PCDHGA7: variants seen among roughly 807,000 people sequenced by gnomAD.
PCDHGA7 encodes protocadherin gamma-A7.
PCDHGA7 carries 44 observed loss-of-function variants against 58.3 expected under a neutral mutation model. The observed-to-expected ratio is 0.75, with a 90% CI of 0.59 to 0.97. The LOEUF is 0.97. Ranked by LOEUF, PCDHGA7 falls within the 50% of genes least tolerant of loss-of-function variation. The probability of loss-of-function intolerance (pLI) is 0.00; values close to 1 mark genes in which losing one functional copy is unlikely to be tolerated. For synonymous variants in PCDHGA7, 516 were observed against 504.2 expected, an observed-to-expected ratio of 1.02 and a Z score of -0.31; for missense variants, 1,266 against 1,188.7, an observed-to-expected ratio of 1.06 and a Z score of -0.96.
Position 141,384,103 on chromosome 5 carries a change from T to A in PCDHGA7, c.1204T>A (p.Tyr402Asn), listed in dbSNP as rs1305926581. Residue 402 changes from tyrosine (Y) to asparagine (N), a missense_variant, in exon 1 of 4, where the codon TAT becomes AAT. By Grantham distance (143) the Tyr-to-Asn change is moderately radical. Coordinates refer to ENST00000518325, the MANE Select transcript of PCDHGA7 (RefSeq NM_018920.4). The part of the protein sequence containing the change: ...FKLEKSIDNY[Y>N]RLVTTKNLDR... ...ATTAGAAAAATCAATAGATAATTAT[T>A]ATAGATTGGTCACAACCAAAAACTT... The A allele has an allele frequency of 6.2e-7, 1 of 1,600,344 alleles. No homozygotes were observed. The highest frequency in any genetic ancestry group is 8.5e-7 in the Non-Finnish European group (1 of 1,172,846).
rs1779370134 is a variant in PCDHGA7 at position 141,383,692 on chromosome 5, C to T, written c.793C>T (p.His265Tyr). 2.5e-6 allele frequency: 4 copies of T among 1,613,888 alleles called. No homozygotes were observed. The highest frequency in any genetic ancestry group is 2.5e-6 in the Non-Finnish European group (3 of 1,179,888). ...AGTGGGTACAAGACTGCTCACGGTA[C>T]ATGCTATCGACCTGGACGAGGGAGT... ...VPVGTRLLTV[H>Y]AIDLDEGVNG... is the part of the protein sequence containing the mutation. The change falls in exon 1 of 4, where the codon CAT becomes TAT. Residue 265 changes from histidine to tyrosine, a missense_variant. Coordinates refer to ENST00000518325, the MANE Select transcript of PCDHGA7 (RefSeq NM_018920.4).
In PCDHGA7 at chr5:141,423,069, G is replaced by A. The variant is rs1364397726; in HGVS notation, c.2424+37746G>A. ...CCTATCGCCTGCTTAAGGCCAGCGA[G>A]CCGGGACTCTTCGCGGTGGGGGAGC... On this transcript the variant is annotated intron_variant, in intron 1 of 3. Transcript: ENST00000518325. 8 of 1,614,034 alleles carry A rather than the reference G, an allele frequency of 5.0e-6. No homozygotes were observed. In the African/African-American group the frequency reaches 1.1e-4, roughly 22 times the overall value.
At chr5:141,415,739 G>GTT (rs1561759437) in intron 1 of PCDHGA7, 11 of 435,132 alleles carry the variant, frequency 2.5e-5, no homozygotes, top group African/African-American at 1.6e-4. Flanking sequence ...TGTTTATTAA[G>GTT]GTTTTTTTTT....
intron 2 of PCDHGA7, among the ~76,000 whole-genome samples, chr5:141,502,845 T>G (rs2099816267): frequency 6.8e-6 from 1 of 147,606 alleles, no homozygotes; most frequent in South Asian, 2.1e-4. Context: ...CTGGCTGAGC[T>G]GCCTAACCCT....
At chr5:141,399,092 G>T (rs573118488) in intron 1 of PCDHGA7, 2 of 1,613,810 alleles carry the variant, frequency 1.2e-6, no homozygotes, top group Non-Finnish European at 1.7e-6. Context: ...GATGGTGGTG[G>T]ACTGGTTGCA....
rs201825683 is a variant in PCDHGA7 at position 141,404,916 on chromosome 5, C to T, written c.2424+19593C>T. The T allele has an allele frequency of 1.5e-4, 243 of 1,613,780 alleles. No homozygotes were observed. The highest frequency in any genetic ancestry group is 1.1e-4 in the Non-Finnish European group (126 of 1,179,862). ...CAGGACCATGGCCAGCCCCCTCTCTCGGCCACTGTCACGCTCACAGTAGCC... is the reference window on the plus strand; with the variant it reads ...CAGGACCATGGCCAGCCCCCTCTCTTGGCCACTGTCACGCTCACAGTAGCC... On this transcript the variant is annotated intron_variant, in intron 1 of 3. Transcript: ENST00000518325.
intron 1 of PCDHGA7, among the ~76,000 whole-genome samples, chr5:141,386,303 T>G (rs938709302): frequency 6.6e-6 from 1 of 152,202 alleles, no homozygotes; most frequent in Non-Finnish European, 1.5e-5. Context: ...TTAGTAAAGC[T>G]CAGTATATCA....
Position 141,505,474 on chromosome 5 carries a change from C to T in PCDHGA7, c.2565C>T (p.Ser855=), listed in dbSNP as rs751690779. The stretch of plus-strand genomic sequence containing the variant: ...TGCTGCAAGCCATGATCTTGGCGTC[C>T]GCCAGTGGTAAGTGGTGTCAGTGTG... ...TEMLQAMILA[S]ASEAADGSST... Residue 855 remains serine, a synonymous_variant, in exon 3 of 4, where the codon TCC becomes TCT. Transcript: ENST00000518325. 2.2e-5 allele frequency: 36 copies of T among 1,614,090 alleles called. No individual in the cohort carries two copies. The highest frequency in any genetic ancestry group is 5.3e-5 in the African/African-American group (4 of 74,934).
At chr5:141,417,456 G>A (rs1354162154) in intron 1 of PCDHGA7, 1 of 177,626 alleles carries the variant, frequency 5.6e-6, no homozygotes, top group Non-Finnish European at 1.2e-5. Context: ...TTATGACCAA[G>A]TGGAAATATA....
At chr5:141,458,081 G>A (rs765008628) in intron 1 of PCDHGA7, among the ~76,000 whole-genome samples, 62 of 152,186 alleles carry the variant, frequency 4.1e-4, no homozygotes, top group East Asian at 1.9e-4. Flanking sequence ...CTATATTGCC[G>A]TAAGTTAAGA....
At chr5:141,433,646 A>G (rs2097639113) in intron 1 of PCDHGA7, among the ~76,000 whole-genome samples, 1 of 152,012 alleles carries the variant, frequency 6.6e-6, no homozygotes, top group Non-Finnish European at 1.5e-5. Flanking sequence ...GACCAGCCTG[A>G]CCAACATGGA....
At position 141,413,564 on chromosome 5, in the gene PCDHGA7, T is replaced by C. The variant is rs762044373; in HGVS notation, c.2424+28241T>C. 9 of 1,613,760 alleles carry C rather than the reference T, an allele frequency of 5.6e-6. No homozygotes were observed. The Admixed American group carries it at 1.2e-4, about 21-fold the overall frequency. ...GGGATAGAAATAGAAGTAACTGATA[T>C]CAATGACAATGCTCCAAAATTCCAA... On this transcript the variant is annotated intron_variant, in intron 1 of 3. Coordinates refer to ENST00000518325, the MANE Select transcript of PCDHGA7 (RefSeq NM_018920.4).
At chr5:141,395,110 G>A (rs2150602560) in intron 1 of PCDHGA7, 1 of 1,614,214 alleles carries the variant, frequency 6.2e-7, no homozygotes, top group Admixed American at 1.7e-5. Context: ...TCGCGGAAGA[G>A]TCACCTGATC....
intron 1 of PCDHGA7, chr5:141,404,785 C>T (rs1028323734): frequency 1.9e-6 from 3 of 1,613,330 alleles, no homozygotes; most frequent in Admixed American, 1.7e-5. Context: ...TATTCAAGGC[C>T]AGTGAGCCAG....
chr5:141,407,505 T>TTTTTTTTTTTTTTTTTTTTTTTTTTTTTG (rs1460306566), intron 1 of PCDHGA7, among the ~76,000 whole-genome samples: 2 of 152,144 alleles, frequency 1.3e-5, no homozygotes, highest in Non-Finnish European at 1.5e-5. Context: ...CTGTTTTTCT[T>TTTTTTTTTTTTTTTTTTTTTTTTTTTTTG]AGGCTATGTA....
chr5:141,415,906 A>G, intron 1 of PCDHGA7: 1 of 784,990 alleles, frequency 1.3e-6, no homozygotes, highest in Non-Finnish European at 1.8e-6. Context: ...ACAGACTTCC[A>G]TACAGAAGTG....
intron 1 of PCDHGA7, chr5:141,405,079 C>G (rs1383258618): frequency 6.2e-7 from 1 of 1,613,898 alleles, no homozygotes; most frequent in South Asian, 1.1e-5. Context: ...CCTTCGTTAT[C>G]ACGCTGCTGG....
At chr5:141,462,984 T>G (rs1349170605) in intron 1 of PCDHGA7, among the ~76,000 whole-genome samples, 1 of 152,156 alleles carries the variant, frequency 6.6e-6, no homozygotes, top group African/African-American at 2.4e-5. Context: ...ACTTTTGCCT[T>G]GGGCTAATTT....
chr5:141,478,381 C>A (rs931860600), intron 1 of PCDHGA7: 1 of 1,613,664 alleles, frequency 6.2e-7, no homozygotes, highest in Admixed American at 1.7e-5. Flanking sequence ...TGTCGCCGCA[C>A]CTTTACCATC....
Sources: gnomAD v4.1 joint callset for allele counts (sites outside exome capture counted in the v4.1 genomes callset) on GRCh38, gnomAD v4.1.1 for gene constraint, MANE v1.5 for transcripts, NCBI Gene and HGNC (gene_info 2026-07-23, HGNC 2026-07-21) for gene names.